PRKN: variants seen among roughly 807,000 people sequenced by gnomAD.
The protein encoded by PRKN is parkin RBR E3 ubiquitin protein ligase, also known as E3 ubiquitin-protein ligase parkin.
PRKN carries 56 observed loss-of-function variants against 59.5 expected under a neutral mutation model. The observed-to-expected ratio is 0.94, with a 90% confidence interval of 0.76 to 1.18. The LOEUF is 1.18. PRKN is among the 50% of genes most tolerant of loss of function. The pLI is 0.00. For synonymous variants in PRKN, 250 were observed against 222.1 expected (o/e 1.13, Z -1.12); for missense variants, 657 against 596.4 (o/e 1.10, Z -1.06).
chr6:161,536,859 C>T (rs918662880), intron 9 of PRKN, among the ~76,000 whole-genome samples: 1 of 152,148 alleles, frequency 6.6e-6, no homozygotes, highest in Admixed American at 6.5e-5. Flanking sequence ...TAAAAATAGA[C>T]ACAGTGACAT....
intron 5 of PRKN, among the ~76,000 whole-genome samples, chr6:162,032,037 A>G (rs574667250): frequency 7.9e-5 from 12 of 152,316 alleles, no homozygotes; most frequent in Admixed American, 1.3e-4. Flanking sequence ...ACTCATGGAT[A>G]AAACATAACT....
intron 7 of PRKN, among the ~76,000 whole-genome samples, chr6:161,770,906 G>A (rs923718883): frequency 2.0e-4 from 30 of 152,214 alleles, no homozygotes; most frequent in Middle Eastern, 3.4e-3. Context: ...CAGGCAGGAC[G>A]ATATCTACCA....
chr6:161,907,949 G>A (rs1778210454), intron 6 of PRKN, among the ~76,000 whole-genome samples: 2 of 151,984 alleles, frequency 1.3e-5, no homozygotes, highest in African/African-American at 2.4e-5. Flanking sequence ...GTGGGGGCGG[G>A]TGCCTGTAAT....
intron 4 of PRKN, among the ~76,000 whole-genome samples, chr6:162,095,178 G>T (rs1421695178): frequency 2.0e-5 from 3 of 152,140 alleles, no homozygotes; most frequent in Non-Finnish European, 4.4e-5. Context: ...CAGGAATTTT[G>T]ACTTTTCTGG....
At position 161,459,783 on chromosome 6, in the gene PRKN, CTT is replaced by C. The variant is rs906111694; in HGVS notation, c.1084-72908_1084-72907del. 3.3e-5 allele frequency among the ~76,000 whole-genome samples: 5 copies of C among 152,134 alleles called. No homozygotes were observed. The highest frequency in any genetic ancestry group is 1.2e-4 in the African/African-American group (5 of 41,402). On this transcript the variant is annotated intron_variant, in intron 9 of 11. Coordinates refer to ENST00000366898, the MANE Select transcript of PRKN (RefSeq NM_004562.3). The surrounding 1 kb of genome is among the most constrained non-coding windows in gnomAD (Gnocchi z 4.8). ...TAACAGTTCAGTTATTTGGTTTTCT[CTT>C]TGTCTCCTTCTTCATAATTTAGAGG...
chr6:162,626,490 A>C (rs2128221810), intron 1 of PRKN, among the ~76,000 whole-genome samples: 1 of 152,268 alleles, frequency 6.6e-6, no homozygotes, highest in Admixed American at 6.5e-5. Flanking sequence ...AAGAAACAGA[A>C]TACTTTATAA....
chr6:161,679,684 C>CCTTT (rs531559048), intron 7 of PRKN, among the ~76,000 whole-genome samples: 1 of 84,896 alleles, frequency 1.2e-5, no homozygotes, highest in Non-Finnish European at 2.4e-5. Context: ...ACCCCCCCCC[C>CCTTT]TTTTTTTTTT....
intron 7 of PRKN, among the ~76,000 whole-genome samples, chr6:161,761,871 CA>C (rs749762266): frequency 6.6e-6 from 1 of 152,170 alleles, no homozygotes; most frequent in Non-Finnish European, 1.5e-5. Context: ...GTGGATTTAT[CA>C]AGAACAATTT....
chr6:162,346,883 A>G (rs1228703779), intron 2 of PRKN, among the ~76,000 whole-genome samples: 2 of 151,988 alleles, frequency 1.3e-5, no homozygotes, highest in African/African-American at 4.8e-5. Flanking sequence ...GGATATATAC[A>G]TATATCTATA....
intron 2 of PRKN, among the ~76,000 whole-genome samples, chr6:162,414,244 T>C (rs2128156145): frequency 6.6e-6 from 1 of 152,214 alleles, no homozygotes; most frequent in South Asian, 2.1e-4. Context: ...TGCACAGAAC[T>C]TACTGCTCCA....
intron 6 of PRKN, among the ~76,000 whole-genome samples, chr6:161,900,745 T>G (rs1273638610): frequency 8.0e-6 from 1 of 125,390 alleles, no homozygotes; most frequent in Non-Finnish European, 1.6e-5. Context: ...CATATATTTA[T>G]GTATTAAATA....
intron 4 of PRKN, among the ~76,000 whole-genome samples, chr6:162,121,071 C>T (rs1780890781): frequency 6.6e-6 from 1 of 152,156 alleles, no homozygotes; most frequent in South Asian, 2.1e-4. Flanking sequence ...TCAAGGATCA[C>T]CAAAAGCCAT....
intron 6 of PRKN, among the ~76,000 whole-genome samples, chr6:161,795,309 T>G (rs1276288281): frequency 2.0e-5 from 3 of 147,812 alleles, no homozygotes; most frequent in African/African-American, 7.5e-5. Context: ...CTCGGCTCAC[T>G]GTAGCCTTCG....
At chr6:161,606,247 G>A (rs1283793584) in intron 7 of PRKN, among the ~76,000 whole-genome samples, 1 of 152,178 alleles carries the variant, frequency 6.6e-6, no homozygotes, top group African/African-American at 2.4e-5. Context: ...CTCCAGTTAA[G>A]TGTGATGTGA....
chr6:161,653,906 A>G (rs980633194), intron 7 of PRKN, among the ~76,000 whole-genome samples: 1 of 152,174 alleles, frequency 6.6e-6, no homozygotes, highest in Non-Finnish European at 1.5e-5. Flanking sequence ...ATGTCACAGG[A>G]GCACGCTGGG....
intron 1 of PRKN, among the ~76,000 whole-genome samples, chr6:162,601,649 A>G (rs1781716323): frequency 6.6e-6 from 1 of 152,190 alleles, no homozygotes; most frequent in Non-Finnish European, 1.5e-5. Flanking sequence ...GATCTTATAT[A>G]AAAAACAATT....
At chr6:162,249,052 G>A (rs996044700) in intron 3 of PRKN, among the ~76,000 whole-genome samples, 1 of 151,818 alleles carries the variant, frequency 6.6e-6, no homozygotes, top group Non-Finnish European at 1.5e-5. Context: ...GCTAATTTTT[G>A]TATTTTTAGT....
chr6:161,510,912 C>T (rs954221151), intron 9 of PRKN, among the ~76,000 whole-genome samples: 1 of 152,054 alleles, frequency 6.6e-6, no homozygotes, highest in South Asian at 2.1e-4. Flanking sequence ...CCGTATTGAG[C>T]GTGGATAAGG....
At chr6:161,695,293 C>T (rs1458935381) in intron 7 of PRKN, among the ~76,000 whole-genome samples, 1 of 152,194 alleles carries the variant, frequency 6.6e-6, no homozygotes, top group Non-Finnish European at 1.5e-5. Context: ...TTGTTTTCAA[C>T]TACCTGAAAT....
Sources: allele counts gnomAD v4.1 joint callset (sites outside exome capture counted in the v4.1 genomes callset), GRCh38; gene constraint gnomAD v4.1.1; non-coding constraint Gnocchi (gnomAD v3.1); transcripts MANE v1.5; gene names NCBI Gene and HGNC (gene_info 2026-07-23, HGNC 2026-07-21).